The following TTC28 variants were observed in gnomAD, a reference collection of about 807,000 sequenced individuals.
The protein encoded by TTC28 is tetratricopeptide repeat protein 28.
In TTC28, 61 loss-of-function variants were observed where a neutral mutation model predicts 198.0. That is an observed-to-expected ratio of 0.31 (90% CI 0.25 to 0.38). TTC28 has a LOEUF of 0.38. Ranked by LOEUF, TTC28 falls within the 10% of genes least tolerant of loss-of-function variation. The pLI, the probability that TTC28 is intolerant of heterozygous loss-of-function variation, is 1.00. For synonymous variants in TTC28, 1,171 were observed against 1,297.8 expected (o/e 0.90, Z 2.10); for missense variants, 2,678 against 3,164.0 (o/e 0.85, Z 3.69).
chr22:28,488,938 C>A (rs2048342660), intron 2 of TTC28, among the ~76,000 whole-genome samples: 1 of 152,116 alleles, frequency 6.6e-6, no homozygotes, highest in African/African-American at 2.4e-5. Flanking sequence ...ATTTAAAATT[C>A]CAAGTGTATT....
chr22:28,663,322 G>C (rs1372361549), intron 1 of TTC28, among the ~76,000 whole-genome samples: 3 of 151,044 alleles, frequency 2.0e-5, no homozygotes, highest in Non-Finnish European at 4.4e-5. Flanking sequence ...AACAGCTCCG[G>C]TCTACAGCTC....
At chr22:28,375,937 G>A (rs1051907242) in intron 2 of TTC28, among the ~76,000 whole-genome samples, 2 of 152,168 alleles carry the variant, frequency 1.3e-5, no homozygotes, top group Non-Finnish European at 2.9e-5. Context: ...TGCCCCTTAG[G>A]TTCTTAGGCC....
chr22:28,658,980 G>A (rs896555291), intron 1 of TTC28, among the ~76,000 whole-genome samples: 2 of 152,098 alleles, frequency 1.3e-5, no homozygotes, highest in Non-Finnish European at 2.9e-5. Context: ...CTGGGTGACA[G>A]AGTGAGATTC....
chr22:28,371,475 A>C (rs1486416901), intron 2 of TTC28, among the ~76,000 whole-genome samples: 1 of 105,810 alleles, frequency 9.5e-6, no homozygotes, highest in Non-Finnish European at 1.8e-5. Context: ...GCACCACTGC[A>C]CTCCAGCCTG....
At chr22:28,526,233 C>T (rs1403805393) in intron 2 of TTC28, among the ~76,000 whole-genome samples, 1 of 152,114 alleles carries the variant, frequency 6.6e-6, no homozygotes, top group Non-Finnish European at 1.5e-5. Flanking sequence ...ATAAGACAAA[C>T]TATCTCATTT....
At chr22:28,021,387 G>A (rs972200681) in intron 13 of TTC28, among the ~76,000 whole-genome samples, 3 of 152,184 alleles carry the variant, frequency 2.0e-5, no homozygotes, top group African/African-American at 7.2e-5. Context: ...GACTGCCTGG[G>A]GAGGGGCAGC....
intron 3 of TTC28, among the ~76,000 whole-genome samples, chr22:28,301,961 C>T (rs140615481): frequency 3.3e-5 from 5 of 151,798 alleles, no homozygotes; most frequent in African/African-American, 4.8e-5. Context: ...CACCTGAGCC[C>T]GGGAAGGTCG....
chr22:28,541,077 A>T (rs892282386), intron 2 of TTC28, among the ~76,000 whole-genome samples: 1 of 152,240 alleles, frequency 6.6e-6, no homozygotes, highest in Non-Finnish European at 1.5e-5. Flanking sequence ...CACACCCTCC[A>T]AAGTGTTATG....
chr22:28,481,158 G>C (rs1263459277), intron 2 of TTC28, among the ~76,000 whole-genome samples: 2 of 152,148 alleles, frequency 1.3e-5, no homozygotes, highest in Non-Finnish European at 2.9e-5. Context: ...TTTCAAGACA[G>C]ATACTTTTAA....
At chr22:28,145,214 C>A (rs1220839885) in intron 6 of TTC28, among the ~76,000 whole-genome samples, 1 of 152,196 alleles carries the variant, frequency 6.6e-6, no homozygotes, top group Non-Finnish European at 1.5e-5. Flanking sequence ...CACATTCACA[C>A]TTTCATTTGA....
In TTC28 at chr22:28,499,563, T is replaced by C. The variant is rs532347463; in HGVS notation, c.381+129989A>G. On this transcript the variant is annotated intron_variant, in intron 2 of 22. Coordinates refer to ENST00000397906, the MANE Select transcript of TTC28 (RefSeq NM_001145418.2). ...AGATTTTAGCAATACAGTAAACTAATGGTCATCCTCATTAAACGAATGTTT... is the reference window on the plus strand; with the variant it reads ...AGATTTTAGCAATACAGTAAACTAACGGTCATCCTCATTAAACGAATGTTT... Among the ~76,000 whole-genome samples, 18 of 152,296 alleles carry C rather than the reference T, an allele frequency of 1.2e-4. No homozygotes were observed. The South Asian group carries it at 3.5e-3, about 30-fold the overall frequency.
chr22:28,014,590 C>T (rs770791871), intron 13 of TTC28, among the ~76,000 whole-genome samples, 198 bp from the exon 14 acceptor site: 4 of 152,178 alleles, frequency 2.6e-5, no homozygotes, highest in Non-Finnish European at 5.9e-5. Flanking sequence ...TGTCAGAAAC[C>T]GCAGGGTAAA....
At chr22:28,037,285 C>T (rs957143843) in intron 12 of TTC28, among the ~76,000 whole-genome samples, 2 of 152,098 alleles carry the variant, frequency 1.3e-5, no homozygotes, top group African/African-American at 2.4e-5. Flanking sequence ...ACTGGCAAAC[C>T]GAATCCAGCA....
chr22:28,575,713 G>C (rs1454956123), intron 2 of TTC28, among the ~76,000 whole-genome samples: 1 of 152,018 alleles, frequency 6.6e-6, no homozygotes, highest in East Asian at 1.9e-4. Context: ...TTTCATTGTA[G>C]AGATCTTTCA....
chr22:28,556,433 C>G (rs751948005), intron 2 of TTC28, among the ~76,000 whole-genome samples: 3 of 152,202 alleles, frequency 2.0e-5, no homozygotes, highest in Non-Finnish European at 4.4e-5. Context: ...CCAACTGATA[C>G]TTTCCTCCAC....
intron 12 of TTC28, among the ~76,000 whole-genome samples, chr22:28,043,342 G>C (rs951789125): frequency 6.6e-6 from 1 of 150,550 alleles, no homozygotes; most frequent in South Asian, 2.1e-4. Context: ...GATTGTATCA[G>C]ACGTGTATTA....
intron 12 of TTC28, among the ~76,000 whole-genome samples, chr22:28,074,142 T>C (rs1390425466): frequency 6.6e-6 from 1 of 152,206 alleles, no homozygotes; most frequent in African/African-American, 2.4e-5. Flanking sequence ...ACTAGGGTTA[T>C]TTTCCTCAAG....
chr22:28,019,497 C>CGA (rs1166189205), intron 13 of TTC28, among the ~76,000 whole-genome samples: 1 of 152,190 alleles, frequency 6.6e-6, no homozygotes, highest in Non-Finnish European at 1.5e-5. Flanking sequence ...TTTTGGGCCT[C>CGA]TGAGTCACAG....
chr22:28,082,436 T>C (rs192338507), intron 12 of TTC28, among the ~76,000 whole-genome samples: 1 of 152,324 alleles, frequency 6.6e-6, no homozygotes, highest in Admixed American at 6.5e-5. Flanking sequence ...TTTACTAGCT[T>C]GCAGTGTGGT....
Sources: gnomAD v4.1 joint callset for allele counts (sites outside exome capture counted in the v4.1 genomes callset) on GRCh38, gnomAD v4.1.1 for gene constraint, MANE v1.5 for transcripts, NCBI Gene and HGNC (gene_info 2026-07-23, HGNC 2026-07-21) for gene names.